Variants in SORCS3 observed in about 807,000 individuals in gnomAD.
SORCS3 encodes sortilin related VPS10 domain containing receptor 3.
Under a neutral mutation model 146.3 loss-of-function variants are expected in SORCS3, and 57 were observed. That is an observed-to-expected ratio of 0.39 (90% CI 0.31 to 0.49). The LOEUF (loss-of-function observed/expected upper bound fraction) is 0.49, where lower values mean the gene tolerates loss of function less well. Among genes scored for constraint, SORCS3 ranks in the 20% least tolerant of loss-of-function variants. SORCS3 has a pLI of 0.92. For missense variants in SORCS3, 1,341 were observed against 1,575.5 expected (o/e 0.85, Z 2.52); for synonymous variants, 653 against 618.5 (o/e 1.06, Z -0.83).
At chr10:104,923,527 A>G (rs193135162) in intron 3 of SORCS3, among the ~76,000 whole-genome samples, 1 of 152,320 alleles carries the variant, frequency 6.6e-6, no homozygotes, top group East Asian at 1.9e-4. Context: ...AAGGGGTTCT[A>G]TCAGCATGAG....
At chr10:104,748,449 A>T (rs973791582) in intron 1 of SORCS3, among the ~76,000 whole-genome samples, 1 of 152,172 alleles carries the variant, frequency 6.6e-6, no homozygotes, top group Non-Finnish European at 1.5e-5. Context: ...TCTGGAATCC[A>T]CTTAAGGAAG....
intron 1 of SORCS3, among the ~76,000 whole-genome samples, chr10:104,748,695 A>T (rs2016944613): frequency 6.6e-6 from 1 of 152,148 alleles, no homozygotes; most frequent in South Asian, 2.1e-4. Context: ...TCTACTAAAA[A>T]TACAAAAATT....
At chr10:104,876,721 T>TCCTC in intron 2 of SORCS3, among the ~76,000 whole-genome samples, 1 of 100,480 alleles carries the variant, frequency 1.0e-5, no homozygotes, top group South Asian at 3.1e-4. Flanking sequence ...CTTCCTTCCT[T>TCCTC]CCTTCCTTCC....
chr10:104,866,304 C>A (rs760581018), intron 2 of SORCS3, among the ~76,000 whole-genome samples: 6 of 152,162 alleles, frequency 3.9e-5, no homozygotes, highest in Non-Finnish European at 8.8e-5. Flanking sequence ...AAGAGATATG[C>A]ATTTCTGAAA....
intron 8 of SORCS3, among the ~76,000 whole-genome samples, chr10:105,142,824 T>A (rs2056104901): frequency 6.6e-6 from 1 of 152,198 alleles, no homozygotes; most frequent in Non-Finnish European, 1.5e-5. Context: ...TCATTTTTTA[T>A]TTGACAGTAG....
rs1401417177 is a variant in SORCS3 at position 105,086,992 on chromosome 10, ATGTCCTGGCCCAT to A, written c.1029-2782_1029-2770del. ...AGTCATGAAGTCTTTGCCCATGCCTATGTCCTGGCCCATGCCTATGTCCTGAATGGTATTGCTT... is the reference window on the plus strand; with the variant it reads ...AGTCATGAAGTCTTTGCCCATGCCTAGCCTATGTCCTGAATGGTATTGCTT... On this transcript the variant is annotated intron_variant, in intron 5 of 26. Coordinates refer to ENST00000369701, the MANE Select transcript of SORCS3 (RefSeq NM_014978.3). 4.2e-4 allele frequency among the ~76,000 whole-genome samples: 14 copies of A among 33,172 alleles called. No individual in the cohort carries two copies. In the East Asian group the frequency reaches 5.6e-3, roughly 13 times the overall value. The allele number at this position is 33,172 out of a possible 152,430, so 21.8% of individuals were successfully genotyped here. A position where few individuals can be genotyped will look rare whatever the true frequency, so the allele number is the denominator to read the frequency against.
intron 1 of SORCS3, among the ~76,000 whole-genome samples, chr10:104,802,868 A>C: frequency 6.6e-6 from 1 of 152,222 alleles, no homozygotes; most frequent in Non-Finnish European, 1.5e-5. Flanking sequence ...TTTGGAGCAT[A>C]GGCGAGGCTT....
chr10:105,136,973 T>G (rs974828384), intron 7 of SORCS3, among the ~76,000 whole-genome samples: 2 of 152,166 alleles, frequency 1.3e-5, no homozygotes, highest in African/African-American at 4.8e-5. Flanking sequence ...TGTGCAGGGC[T>G]CTAATAGACA....
chr10:105,073,782 T>C (rs2055572500), intron 5 of SORCS3, among the ~76,000 whole-genome samples: 1 of 152,106 alleles, frequency 6.6e-6, no homozygotes, highest in African/African-American at 2.4e-5. Context: ...GAATTACTCG[T>C]GTCACAGTTT....
At chr10:105,190,162 C>T (rs1013689105) in intron 14 of SORCS3, among the ~76,000 whole-genome samples, 6 of 152,198 alleles carry the variant, frequency 3.9e-5, no homozygotes, top group Non-Finnish European at 7.3e-5. Flanking sequence ...AAAAGAGTAA[C>T]AGCCTTGCTG....
At chr10:104,734,181 G>A (rs74155023) in intron 1 of SORCS3, among the ~76,000 whole-genome samples, 2,762 of 152,250 alleles carry the variant, frequency 0.018, 82 homozygotes, top group African/African-American at 0.063. Context: ...GGAAGATCTC[G>A]TCCCTAGAAA....
chr10:104,951,855 G>T (rs895199206), intron 3 of SORCS3, among the ~76,000 whole-genome samples: 1 of 152,106 alleles, frequency 6.6e-6, no homozygotes, highest in Non-Finnish European at 1.5e-5. Context: ...CATAGGAAGG[G>T]AGTTCAATAG....
intron 1 of SORCS3, among the ~76,000 whole-genome samples, chr10:104,806,292 G>GT (rs148237330): frequency 0.025 from 3,750 of 152,258 alleles, 178 homozygotes; most frequent in African/African-American, 0.085. Context: ...GCATAGAGAA[G>GT]TTTGAAGACC....
chr10:104,831,421 G>A (rs2017999488), intron 1 of SORCS3, among the ~76,000 whole-genome samples: 1 of 152,182 alleles, frequency 6.6e-6, no homozygotes, highest in African/African-American at 2.4e-5. Context: ...TACCCCAAAA[G>A]TGATGGAAGG....
chr10:104,688,090 A>T (rs1470505531), intron 1 of SORCS3, among the ~76,000 whole-genome samples: 2 of 152,234 alleles, frequency 1.3e-5, no homozygotes, highest in African/African-American at 2.4e-5. Context: ...TGTGTTGTTT[A>T]TCTGAAATTC....
intron 1 of SORCS3, among the ~76,000 whole-genome samples, chr10:104,688,888 C>T (rs1003055523): frequency 6.6e-6 from 1 of 152,210 alleles, no homozygotes; most frequent in Non-Finnish European, 1.5e-5. Context: ...ATGCCCAGGG[C>T]AGGTTCTGTG....
intron 3 of SORCS3, among the ~76,000 whole-genome samples, chr10:104,958,081 T>A (rs542682036): frequency 6.6e-6 from 1 of 152,180 alleles, no homozygotes; most frequent in Non-Finnish European, 1.5e-5. Context: ...TTTTTCCTCC[T>A]GCTTTCTATT....
At chr10:105,165,673 G>A (rs145069455) in intron 12 of SORCS3, among the ~76,000 whole-genome samples, 5 of 152,178 alleles carry the variant, frequency 3.3e-5, no homozygotes, top group East Asian at 1.9e-4. Flanking sequence ...AACCTATTAC[G>A]AGAGCCAAAG....
chr10:105,015,038 A>G (rs2055157124), intron 4 of SORCS3, among the ~76,000 whole-genome samples: 1 of 152,242 alleles, frequency 6.6e-6, no homozygotes, highest in South Asian at 2.1e-4. Context: ...AGGCATAACC[A>G]CATTAGTAAT....
Sources: allele counts gnomAD v4.1 joint callset (sites outside exome capture counted in the v4.1 genomes callset), GRCh38; gene constraint gnomAD v4.1.1; transcripts MANE v1.5; gene names NCBI Gene and HGNC (gene_info 2026-07-23, HGNC 2026-07-21).